Variants in SYCP2 observed in about 807,000 individuals in gnomAD.
SYCP2 encodes the protein synaptonemal complex lateral element protein.
Under a neutral mutation model 211.3 loss-of-function variants are expected in SYCP2, and 55 were observed. That is an observed-to-expected ratio of 0.26 (90% CI 0.21 to 0.33). The LOEUF (loss-of-function observed/expected upper bound fraction) is 0.33. SYCP2 is among the 10% of genes least tolerant of loss of function. The probability of loss-of-function intolerance (pLI) is 1.00; values close to 1 mark genes in which losing one functional copy is unlikely to be tolerated. For missense variants in SYCP2, 1,731 were observed against 1,752.0 expected, an observed-to-expected ratio of 0.99 and a Z score of 0.21; for synonymous variants, 570 against 555.2, an observed-to-expected ratio of 1.03 and a Z score of -0.37.
At chr20:59,879,825 AT>A (rs1404168479) in intron 31 of SYCP2, among the ~76,000 whole-genome samples, 142 of 3,730 alleles carry the variant, frequency 0.038, 2 homozygotes, top group East Asian at 0.16. Flanking sequence ...ATAAATAAAT[AT>A]ATATATATAT....
intron 14 of SYCP2, among the ~76,000 whole-genome samples, chr20:59,910,380 T>TA (rs994959079): frequency 1.5e-5 from 2 of 129,402 alleles, no homozygotes; most frequent in East Asian, 4.6e-4. Context: ...GCTTATTTTT[T>TA]TTTTTTTTTT....
At chr20:59,918,296 C>T (rs2060480397) in intron 7 of SYCP2, among the ~76,000 whole-genome samples, 1 of 152,190 alleles carries the variant, frequency 6.6e-6, no homozygotes, top group Non-Finnish European at 1.5e-5. Flanking sequence ...GAACTTAACA[C>T]TGCAGTGAAG....
chr20:59,921,287 A>G (rs776391586), intron 4 of SYCP2, 23 bp downstream of exon 4: 3 of 1,570,208 alleles, frequency 1.9e-6, no homozygotes, highest in Non-Finnish European at 8.6e-7. Flanking sequence ...TGTAACAATC[A>G]TTCAGCAAAA....
chr20:59,902,924 G>C (rs2060142836), intron 15 of SYCP2, among the ~76,000 whole-genome samples: 1 of 152,028 alleles, frequency 6.6e-6, no homozygotes, highest in Admixed American at 6.6e-5. Flanking sequence ...TAAAACATTT[G>C]TAATTCTTAG....
At chr20:59,909,620 C>T (rs987537131) in intron 14 of SYCP2, among the ~76,000 whole-genome samples, 5 of 152,126 alleles carry the variant, frequency 3.3e-5, no homozygotes, top group Non-Finnish European at 7.4e-5. Context: ...CTGATGTTAC[C>T]TCCTACTTAA....
chr20:59,877,045 C>T (rs1048084974), intron 33 of SYCP2, among the ~76,000 whole-genome samples: 4 of 152,226 alleles, frequency 2.6e-5, no homozygotes, highest in South Asian at 2.1e-4. Flanking sequence ...ACCTCAGACA[C>T]CAATATTTTG....
At chr20:59,928,225 TAC>T (rs780950733) in intron 2 of SYCP2, among the ~76,000 whole-genome samples, 1 of 152,200 alleles carries the variant, frequency 6.6e-6, no homozygotes, top group Admixed American at 6.5e-5. Context: ...CATAAATATC[TAC>T]AGTGTTCCTT....
At chr20:59,915,312 G>A (rs950633835) in intron 9 of SYCP2, 113 bp from the exon 10 acceptor site, 26 of 1,019,446 alleles carry the variant, frequency 2.6e-5, no homozygotes, top group Non-Finnish European at 3.6e-5. Flanking sequence ...TAATATCATC[G>A]ACTTTTGCAG....
At chr20:59,899,287 C>CAGTA (rs2060070783) in intron 18 of SYCP2, among the ~76,000 whole-genome samples, 1 of 152,012 alleles carries the variant, frequency 6.6e-6, no homozygotes, top group Non-Finnish European at 1.5e-5. Flanking sequence ...AAAAAATGAA[C>CAGTA]AGTAGTATTA....
chr20:59,895,731 G>A (rs112558096), intron 19 of SYCP2, 134 bp from the exon 20 acceptor site: 2 of 968,910 alleles, frequency 2.1e-6, no homozygotes, highest in Middle Eastern at 2.7e-4. Flanking sequence ...ATAATTAAGT[G>A]AATATAGATG....
chr20:59,870,089 A>G, intron 35 of SYCP2, 106 bp from the exon 36 acceptor site: 1 of 670,930 alleles, frequency 1.5e-6, no homozygotes, highest in Non-Finnish European at 2.4e-6. Flanking sequence ...AAAACTGCAA[A>G]ACTACTAATT....
chr20:59,925,210 C>G (rs2060612178), intron 2 of SYCP2, among the ~76,000 whole-genome samples: 1 of 151,954 alleles, frequency 6.6e-6, no homozygotes, highest in East Asian at 1.9e-4. Flanking sequence ...CACACTGGTG[C>G]CTGGTGGGGC....
rs1313165198 is a variant in SYCP2, at chr20:59,880,317, T to C, written c.2927A>G (p.Lys976Arg). The C allele has an allele frequency of 1.3e-6, 2 of 1,583,528 alleles. No homozygotes were observed. The highest frequency in any genetic ancestry group is 8.6e-7 in the Non-Finnish European group (1 of 1,163,106). ...TAATTTCTTACTTGATTTTCCACTT[T>C]TATGATTCTTCACATTTTTATTTCT... ...YSRNKNVKNH[K>R]SGKSRSSLEK... The change falls in exon 31 of 45, where the codon AAA (lysine) becomes AGA (arginine). Residue 976 changes from lysine to arginine, a missense_variant. This residue lies in a region of SYCP2 where 1,387 missense variants were observed against 1,351.3 expected (regional missense o/e 1.03). Transcript: ENST00000357552.
chr20:59,895,862 C>T (rs2059997980), intron 19 of SYCP2, among the ~76,000 whole-genome samples: 1 of 151,984 alleles, frequency 6.6e-6, no homozygotes, highest in East Asian at 1.9e-4. Context: ...CAGTAGGCAA[C>T]AAGATTTTTA....
intron 35 of SYCP2, among the ~76,000 whole-genome samples, chr20:59,870,197 C>T (rs1432859282): frequency 2.0e-5 from 3 of 151,786 alleles, no homozygotes; most frequent in African/African-American, 7.2e-5. Flanking sequence ...ATAAGGATCC[C>T]TGCTAGTACA....
chr20:59,877,684 T>C, intron 32 of SYCP2, 129 bp from the exon 33 acceptor site: 1 of 765,000 alleles, frequency 1.3e-6, no homozygotes, highest in South Asian at 1.9e-5. Flanking sequence ...TTGATTAACA[T>C]ACTTTAAATT....
At chr20:59,879,130 C>T (rs1010495032) in intron 31 of SYCP2, among the ~76,000 whole-genome samples, 1 of 152,002 alleles carries the variant, frequency 6.6e-6, no homozygotes, top group Admixed American at 6.6e-5. Context: ...ACTGTAAGCT[C>T]CCTGAGGGCA....
chr20:59,880,530 G>A, intron 30 of SYCP2, 59 bp from the exon 31 acceptor site: 1 of 1,040,752 alleles, frequency 9.6e-7, no homozygotes, highest in Non-Finnish European at 1.3e-6. Flanking sequence ...GTCATGCAAG[G>A]TAAGTTAAAC....
chr20:59,880,370 T>C lies in SYCP2; in HGVS notation c.2874A>G (p.Lys958=), dbSNP rs769368287. Residue 958 remains lysine (K), a synonymous_variant, in exon 31 of 45, where the codon AAA becomes AAG. Transcript: ENST00000357552. ...TATAGTCTATTAGCTGTGGTTTTGATTTCGGTTCTCTTAGCCAGCTAATAT... is the reference window on the plus strand; with the variant it reads ...TATAGTCTATTAGCTGTGGTTTTGACTTCGGTTCTCTTAGCCAGCTAATAT... ...KTDISWLREP[K]SKPQLIDYSR... is the part of the protein sequence containing the mutation. The C allele has an allele frequency of 2.7e-5, 44 of 1,601,872 alleles. No individual in the cohort carries two copies. Among genetic ancestry groups the C allele is most frequent in the Non-Finnish European group, 3.7e-5 (43 of 1,171,920 alleles).
Sources: gnomAD v4.1 joint callset for allele counts (sites outside exome capture counted in the v4.1 genomes callset) on GRCh38, gnomAD v4.1.1 for gene constraint, gnomAD v4.1.1 regional missense constraint, MANE v1.5 for transcripts, NCBI Gene and HGNC (gene_info 2026-07-23, HGNC 2026-07-21) for gene names.